The following TOM1L2 variants were observed in gnomAD, a reference collection of about 807,000 sequenced individuals.
The protein encoded by TOM1L2 is target of myb1 like 2 membrane trafficking protein.
Under a neutral mutation model 67.9 loss-of-function variants are expected in TOM1L2, and 31 were observed. The observed-to-expected ratio is 0.46, with a 90% CI of 0.34 to 0.62. The LOEUF is 0.62. Ranked by LOEUF, TOM1L2 falls within the 20% of genes least tolerant of loss-of-function variation. The pLI, the probability that TOM1L2 is intolerant of heterozygous loss-of-function variation, is 0.01. For synonymous variants in TOM1L2, 256 were observed against 254.0 expected, an observed-to-expected ratio of 1.01 and a Z score of -0.07; for missense variants, 606 against 663.5, an observed-to-expected ratio of 0.91 and a Z score of 0.95.
intron 1 of TOM1L2, among the ~76,000 whole-genome samples, chr17:17,932,584 G>A (rs893745277): frequency 6.6e-6 from 1 of 152,160 alleles, no homozygotes; most frequent in Non-Finnish European, 1.5e-5. Flanking sequence ...TAGCATGGCT[G>A]TATTGTTGGG....
At chr17:17,887,731 T>C (rs1330880470) in intron 4 of TOM1L2, among the ~76,000 whole-genome samples, 9 of 152,180 alleles carry the variant, frequency 5.9e-5, no homozygotes, top group Non-Finnish European at 1.5e-5. Flanking sequence ...CCACCTTGGC[T>C]TCCCAAAGTG....
chr17:17,908,789 A>G (rs2039211914), intron 1 of TOM1L2, among the ~76,000 whole-genome samples: 1 of 152,194 alleles, frequency 6.6e-6, no homozygotes, highest in Non-Finnish European at 1.5e-5. Context: ...AGAAAATAAC[A>G]AGTGTTGGCA....
intron 1 of TOM1L2, among the ~76,000 whole-genome samples, chr17:17,953,869 T>C (rs538652952): frequency 6.6e-6 from 1 of 152,364 alleles, no homozygotes; most frequent in African/African-American, 2.4e-5. Flanking sequence ...AGGTGCTCTA[T>C]GCATGTTCAT....
intron 10 of TOM1L2, among the ~76,000 whole-genome samples, chr17:17,865,807 C>T (rs982927621): frequency 2.3e-4 from 32 of 140,140 alleles, no homozygotes; most frequent in Non-Finnish European, 4.5e-4. Flanking sequence ...TGCAATGATG[C>T]GATATCGGCT....
At chr17:17,958,936 C>T (rs2041579843) in intron 1 of TOM1L2, among the ~76,000 whole-genome samples, 1 of 152,172 alleles carries the variant, frequency 6.6e-6, no homozygotes, top group South Asian at 2.1e-4. Context: ...ATAATGAAAC[C>T]TCCATTAATA....
chr17:17,952,928 G>T (rs554284725), intron 1 of TOM1L2, among the ~76,000 whole-genome samples: 1 of 152,278 alleles, frequency 6.6e-6, no homozygotes, highest in Admixed American at 6.5e-5. Context: ...AGAACAGGAA[G>T]GTTGAAAAGG....
In TOM1L2 at chr17:17,879,717, G is replaced by A. The variant is rs151099170; in HGVS notation, c.687C>T (p.Asp229=). 1.8e-5 allele frequency: 29 copies of A among 1,614,050 alleles called. No homozygotes were observed. The highest frequency in any genetic ancestry group is 1.3e-4 in the East Asian group (6 of 44,898). ...TGACTTTTGTGTTTCCTCGAACGAC[G>A]TCCAGTTCACTCCGCAGCCTGGCAA... ...EQIARLRSEL[D]VVRGNTKVMS... The change falls in exon 7 of 15, where the codon GAC becomes GAT. Residue 229 remains aspartate, a synonymous_variant. Transcript: ENST00000379504.
chr17:17,854,461 G>C (rs1830928126), intron 12 of TOM1L2, among the ~76,000 whole-genome samples: 1 of 152,056 alleles, frequency 6.6e-6, no homozygotes. Flanking sequence ...TCCTAAGAAG[G>C]CTGTTGGCTC....
intron 1 of TOM1L2, among the ~76,000 whole-genome samples, chr17:17,956,066 ATTTG>A (rs1396607402): frequency 6.6e-6 from 1 of 152,090 alleles, no homozygotes; most frequent in Non-Finnish European, 1.5e-5. Flanking sequence ...AAGCAGCAAC[ATTTG>A]TTTCAAAGAG....
chr17:17,952,064 T>C (rs766846988), intron 1 of TOM1L2, among the ~76,000 whole-genome samples: 3 of 152,298 alleles, frequency 2.0e-5, no homozygotes, highest in Non-Finnish European at 4.4e-5. Context: ...TGTTCCAGTA[T>C]TACTTATAAG....
rs150133962 is a variant in TOM1L2 at position 17,931,232 on chromosome 17, C to T, written c.53-23701G>A. Reference sequence around the variant, plus strand: ...TTTACCCATCCTATCCTCTTTAAATCCTTCCTCTTCTACAGATTTCCCCAA... The same window carrying T: ...TTTACCCATCCTATCCTCTTTAAATTCTTCCTCTTCTACAGATTTCCCCAA... On this transcript the variant is annotated intron_variant, in intron 1 of 14. Coordinates refer to ENST00000379504, the MANE Select transcript of TOM1L2 (RefSeq NM_001082968.2). 3.2e-3 allele frequency among the ~76,000 whole-genome samples: 492 copies of T among 152,268 alleles called. 3 individuals are homozygous for T. Among genetic ancestry groups the T allele is most frequent in the Non-Finnish European group, 5.4e-3 (366 of 68,028 alleles).
Position 17,845,421 on chromosome 17 carries a change from G to A in TOM1L2, c.*2214C>T, listed in dbSNP as rs2143377310. ...AAACAGTTTTGCTGGGGGCTCCCCA[G>A]GAGGGCGCCTATTTCAGCTTCACGC... On this transcript the variant is annotated 3_prime_UTR_variant, in exon 15 of 15. Transcript: ENST00000379504. 1 of 152,356 alleles carries A rather than the reference G, an allele frequency of 6.6e-6. No homozygotes were observed. 9.4% of individuals were successfully genotyped at this position (152,356 alleles called of 1,614,324 possible). A position where few individuals can be genotyped will look rare whatever the true frequency, so the allele number is the denominator to read the frequency against.
chr17:17,958,474 C>T (rs576355325), intron 1 of TOM1L2, among the ~76,000 whole-genome samples: 1 of 152,188 alleles, frequency 6.6e-6, no homozygotes, highest in Non-Finnish European at 1.5e-5. Context: ...AACTTTCAAA[C>T]AATAAAATGT....
At chr17:17,854,496 T>C (rs968970458) in intron 12 of TOM1L2, among the ~76,000 whole-genome samples, 2 of 151,830 alleles carry the variant, frequency 1.3e-5, no homozygotes, top group African/African-American at 4.8e-5. Context: ...TTTATTTTTA[T>C]TTTTATTTAT....
At chr17:17,970,226 C>CTTT (rs112968102) in intron 1 of TOM1L2, among the ~76,000 whole-genome samples, 1 of 144,710 alleles carries the variant, frequency 6.9e-6, no homozygotes, top group Non-Finnish European at 1.5e-5. Context: ...GGCTAATTTT[C>CTTT]TTTTTTTTTT....
At chr17:17,942,388 A>T (rs1350536060) in intron 1 of TOM1L2, among the ~76,000 whole-genome samples, 2 of 152,232 alleles carry the variant, frequency 1.3e-5, no homozygotes, top group Non-Finnish European at 2.9e-5. Context: ...AGGCAAGTTC[A>T]TTAATCCTGG....
chr17:17,899,510 T>G (rs905724607), intron 2 of TOM1L2, among the ~76,000 whole-genome samples: 28 of 152,236 alleles, frequency 1.8e-4, no homozygotes, highest in African/African-American at 6.8e-4. Context: ...CTCTTATACC[T>G]TAGAGTCAGG....
At position 17,869,333 on chromosome 17, in the gene TOM1L2, C is replaced by A. The variant is rs755233238; in HGVS notation, c.911+7G>T. The A allele has an allele frequency of 4.4e-6, 7 of 1,605,776 alleles. No individual in the cohort carries two copies. The African/African-American group carries it at 9.4e-5, about 22-fold the overall frequency. The stretch of plus-strand genomic sequence containing the variant: ...GAAAAAAAAAAAAAAAGAAATCCGG[C>A]TCCCACCTCTCGTATCGAAGGAAGA... On this transcript the variant is annotated splice_region_variant and intron_variant, in intron 8 of 14. Transcript: ENST00000379504.
intron 1 of TOM1L2, among the ~76,000 whole-genome samples, chr17:17,923,638 C>A (rs1034716917): frequency 6.6e-6 from 1 of 151,904 alleles, no homozygotes; most frequent in African/African-American, 2.4e-5. Flanking sequence ...TACAGTGAGT[C>A]GTGATCGCAC....
Sources: allele counts gnomAD v4.1 joint callset (sites outside exome capture counted in the v4.1 genomes callset), GRCh38; gene constraint gnomAD v4.1.1; transcripts MANE v1.5; gene names NCBI Gene and HGNC (gene_info 2026-07-23, HGNC 2026-07-21).